The following FOXN3 variants were observed in gnomAD, a reference collection of about 807,000 sequenced individuals.
FOXN3 encodes the protein forkhead box protein N3.
FOXN3 carries 7 observed loss-of-function variants against 38.4 expected under a neutral mutation model. The ratio of observed to expected loss-of-function variants is 0.18; its 90% CI spans 0.10 to 0.34. The LOEUF is 0.34. Among genes scored for constraint, FOXN3 ranks in the 10% least tolerant of loss-of-function variants. FOXN3 has a pLI of 1.00. For synonymous variants in FOXN3, 230 were observed against 242.2 expected, an observed-to-expected ratio of 0.95 and a Z score of 0.47; for missense variants, 456 against 613.4, an observed-to-expected ratio of 0.74 and a Z score of 2.71.
At chr14:89,471,853 G>A (rs1893102076) in intron 1 of FOXN3, among the ~76,000 whole-genome samples, 1 of 152,066 alleles carries the variant, frequency 6.6e-6, no homozygotes, top group African/African-American at 2.4e-5. Context: ...CCTTTCCCTC[G>A]GCCACGGAGA....
intron 3 of FOXN3, among the ~76,000 whole-genome samples, chr14:89,348,370 G>A (rs1243706125): frequency 3.3e-5 from 5 of 152,090 alleles, no homozygotes; most frequent in Non-Finnish European, 5.9e-5. Context: ...GTGGCCTGAT[G>A]GCTTAGAATT....
chr14:89,438,863 T>G (rs1012730221), intron 1 of FOXN3, among the ~76,000 whole-genome samples: 2 of 151,962 alleles, frequency 1.3e-5, no homozygotes, highest in African/African-American at 4.8e-5. Flanking sequence ...TCCCAGGTTC[T>G]AAGGATTCTC....
chr14:89,536,519 C>T (rs141327049), intron 1 of FOXN3, among the ~76,000 whole-genome samples: 10 of 152,306 alleles, frequency 6.6e-5, no homozygotes, highest in African/African-American at 1.4e-4. Context: ...CGGTGGCTCA[C>T]GCCTATAATC....
chr14:89,379,795 G>C (rs906689985), intron 2 of FOXN3, among the ~76,000 whole-genome samples: 1 of 151,954 alleles, frequency 6.6e-6, no homozygotes, highest in African/African-American at 2.4e-5. Flanking sequence ...CGAGTAGCTG[G>C]GATTATAGGT....
intron 3 of FOXN3, among the ~76,000 whole-genome samples, chr14:89,285,991 A>G (rs1886617561): frequency 6.6e-6 from 1 of 151,606 alleles, no homozygotes; most frequent in African/African-American, 2.4e-5. Flanking sequence ...CTCAGCCCTC[A>G]GAGTAGCTGG....
At chr14:89,390,291 CTT>C (rs1890905692) in intron 2 of FOXN3, among the ~76,000 whole-genome samples, 1 of 125,420 alleles carries the variant, frequency 8.0e-6, no homozygotes, top group Non-Finnish European at 1.8e-5. Context: ...CTCTCGTTCT[CTT>C]TCTCTCTCTC....
chr14:89,189,862 A>C (rs1887900990), intron 4 of FOXN3, among the ~76,000 whole-genome samples: 1 of 152,232 alleles, frequency 6.6e-6, no homozygotes, highest in South Asian at 2.1e-4. Flanking sequence ...GGCTGGATAG[A>C]AATGGTCCAA....
At chr14:89,481,092 T>TC (rs1893317594) in intron 1 of FOXN3, among the ~76,000 whole-genome samples, 1 of 151,400 alleles carries the variant, frequency 6.6e-6, no homozygotes, top group South Asian at 2.1e-4. Context: ...GTTAAGCTTT[T>TC]TTTTTTTTTT....
At chr14:89,262,675 CTT>C (rs1027753024) in intron 4 of FOXN3, among the ~76,000 whole-genome samples, 4 of 152,152 alleles carry the variant, frequency 2.6e-5, no homozygotes, top group Non-Finnish European at 4.4e-5. Context: ...CTAACAGAGT[CTT>C]TGGTTCAGAA....
At chr14:89,378,761 G>A (rs1203907641) in intron 2 of FOXN3, among the ~76,000 whole-genome samples, 2 of 150,588 alleles carry the variant, frequency 1.3e-5, no homozygotes, top group Non-Finnish European at 2.9e-5. Flanking sequence ...AAGCTGGAGT[G>A]AGTGGTGCAA....
At chr14:89,200,677 C>T (rs1307542389) in intron 4 of FOXN3, among the ~76,000 whole-genome samples, 2 of 152,234 alleles carry the variant, frequency 1.3e-5, no homozygotes, top group African/African-American at 4.8e-5. Context: ...ACGTCCTTTT[C>T]GCCTCAGCAG....
At chr14:89,578,440 A>G (rs243198) in intron 1 of FOXN3, among the ~76,000 whole-genome samples, 136,911 of 152,036 alleles carry the variant, frequency 0.9, 62,089 homozygotes, top group African/African-American at 0.97. Flanking sequence ...CGTACATGCT[A>G]ATAACTCAAA....
At chr14:89,318,242 T>C (rs533147395) in intron 3 of FOXN3, among the ~76,000 whole-genome samples, 1 of 145,560 alleles carries the variant, frequency 6.9e-6, no homozygotes, top group East Asian at 2.1e-4. Flanking sequence ...CACTGCAACC[T>C]CCACCTGCCA....
intron 1 of FOXN3, among the ~76,000 whole-genome samples, chr14:89,514,396 T>C (rs944443143): frequency 2.6e-5 from 4 of 152,144 alleles, no homozygotes; most frequent in African/African-American, 9.7e-5. Context: ...CATCCACACC[T>C]CCTTCCTAAG....
intron 1 of FOXN3, among the ~76,000 whole-genome samples, chr14:89,617,330 G>A (rs1401252405): frequency 6.6e-6 from 1 of 152,166 alleles, no homozygotes; most frequent in Non-Finnish European, 1.5e-5. Flanking sequence ...ATTCTTATAT[G>A]GTGCAGAATG....
At chr14:89,301,453 G>A (rs911345725) in intron 3 of FOXN3, among the ~76,000 whole-genome samples, 9 of 151,950 alleles carry the variant, frequency 5.9e-5, no homozygotes, top group South Asian at 2.1e-4. Flanking sequence ...TCCAGACTGC[G>A]TGACAGAGTG....
At chr14:89,327,509 A>G (rs917251688) in intron 3 of FOXN3, among the ~76,000 whole-genome samples, 1 of 152,252 alleles carries the variant, frequency 6.6e-6, no homozygotes, top group African/African-American at 2.4e-5. Context: ...ATACAAATCC[A>G]CAAGTGGACA....
At chr14:89,436,956 G>A (rs1012404460) in intron 1 of FOXN3, among the ~76,000 whole-genome samples, 1 of 152,238 alleles carries the variant, frequency 6.6e-6, no homozygotes, top group East Asian at 1.9e-4. Context: ...AGACCAGCCT[G>A]GCCAACATGG....
chr14:89,292,991 C>G (rs1886922343), intron 3 of FOXN3, among the ~76,000 whole-genome samples: 1 of 152,250 alleles, frequency 6.6e-6, no homozygotes, highest in South Asian at 2.1e-4. Context: ...TCCCACTCTT[C>G]TTGCCGGACA....
Sources: allele counts gnomAD v4.1 joint callset (sites outside exome capture counted in the v4.1 genomes callset), GRCh38; gene constraint gnomAD v4.1.1; transcripts MANE v1.5; gene names NCBI Gene and HGNC (gene_info 2026-07-23, HGNC 2026-07-21).